Variants in GHR observed in about 807,000 individuals in gnomAD.
GHR encodes the protein growth hormone receptor, also known as GH receptor.
GHR carries 35 observed loss-of-function variants against 67.1 expected under a neutral mutation model. That is an observed-to-expected ratio of 0.52 (90% CI 0.40 to 0.69). The LOEUF (loss-of-function observed/expected upper bound fraction) is 0.69. GHR is among the 30% of genes least tolerant of loss of function. GHR has a pLI of 0.00. For synonymous variants in GHR, 272 were observed against 269.1 expected (o/e 1.01, Z -0.10); for missense variants, 792 against 764.6 (o/e 1.04, Z -0.42).
At chr5:42,430,254 T>C (rs1180763938) in intron 1 of GHR, among the ~76,000 whole-genome samples, 1 of 152,232 alleles carries the variant, frequency 6.6e-6, no homozygotes, top group African/African-American at 2.4e-5. Flanking sequence ...CTGGTGTGAC[T>C]GATTTCTCTT....
At chr5:42,579,289 C>T (rs1490461605) in intron 2 of GHR, among the ~76,000 whole-genome samples, 2 of 152,164 alleles carry the variant, frequency 1.3e-5, no homozygotes, top group East Asian at 3.8e-4. Context: ...CAGAATTTCC[C>T]AACCTTGTTC....
At chr5:42,470,504 T>C (rs747514364) in intron 1 of GHR, among the ~76,000 whole-genome samples, 3 of 152,130 alleles carry the variant, frequency 2.0e-5, no homozygotes, top group Non-Finnish European at 2.9e-5. Context: ...TCAATAACAG[T>C]TATGCAGATG....
chr5:42,637,396 C>A (rs887366362), intron 3 of GHR, among the ~76,000 whole-genome samples: 2 of 152,094 alleles, frequency 1.3e-5, no homozygotes, highest in Non-Finnish European at 2.9e-5. Flanking sequence ...TACAAATAAT[C>A]CCCTTACCCA....
chr5:42,514,291 G>T, intron 1 of GHR: 1 of 984,312 alleles, frequency 1.0e-6, no homozygotes, highest in Non-Finnish European at 1.2e-6. Context: ...CAGACCCAGG[G>T]AGTCCATATT....
intron 3 of GHR, among the ~76,000 whole-genome samples, chr5:42,634,138 T>C (rs1754056176): frequency 6.6e-6 from 1 of 152,152 alleles, no homozygotes; most frequent in African/African-American, 2.4e-5. Flanking sequence ...CTTTTTTTTT[T>C]CATCTCTAAA....
chr5:42,550,209 G>T (rs1399485009), intron 1 of GHR: 4 of 312,818 alleles, frequency 1.3e-5, no homozygotes, highest in Non-Finnish European at 1.4e-5. Context: ...TTGGACTGGG[G>T]ACAGGAGACC....
At position 42,554,138 on chromosome 5, in the gene GHR, C is replaced by T. The variant is rs186035151; in HGVS notation, c.-11-11726C>T. ...AATCTTCAAGTATCAATACTCAGTC[C>T]CTATCCTACTGATCCAATTCATCTA... On this transcript the variant is annotated intron_variant, in intron 1 of 9. Coordinates refer to ENST00000230882, the MANE Select transcript of GHR (RefSeq NM_000163.5). Among the ~76,000 whole-genome samples the T allele has an allele frequency of 1.8e-3, 271 of 152,218 alleles. 3 individuals are homozygous for T. The highest frequency in any genetic ancestry group is 5.6e-4 in the Non-Finnish European group (38 of 68,012).
chr5:42,569,911 A>G (rs888746533), intron 2 of GHR, among the ~76,000 whole-genome samples: 3 of 152,176 alleles, frequency 2.0e-5, no homozygotes, highest in Admixed American at 6.6e-5. Flanking sequence ...TCCTAAGGGA[A>G]CCAAGAGCCC....
intron 4 of GHR, among the ~76,000 whole-genome samples, chr5:42,691,251 G>A (rs1757410618): frequency 6.6e-6 from 1 of 152,196 alleles, no homozygotes; most frequent in African/African-American, 2.4e-5. Flanking sequence ...AATCCCAGGA[G>A]GGTAAGTACA....
chr5:42,447,482 T>C (rs1490260898), intron 1 of GHR, among the ~76,000 whole-genome samples: 1 of 152,186 alleles, frequency 6.6e-6, no homozygotes, highest in Non-Finnish European at 1.5e-5. Flanking sequence ...CTGAGTAGTA[T>C]TCCATGGTAT....
intron 1 of GHR, among the ~76,000 whole-genome samples, chr5:42,538,671 C>T (rs557327281): frequency 5.5e-4 from 83 of 152,216 alleles, no homozygotes; most frequent in Middle Eastern, 3.4e-3. Flanking sequence ...GATTTCTTTG[C>T]GATGAATTTC....
intron 1 of GHR, among the ~76,000 whole-genome samples, chr5:42,502,712 A>G (rs989795337): frequency 3.3e-5 from 5 of 151,444 alleles, no homozygotes; most frequent in Non-Finnish European, 7.4e-5. Context: ...TCTGCATCCA[A>G]ATTTCTTTTA....
chr5:42,697,026 G>A (rs190590858), intron 5 of GHR, among the ~76,000 whole-genome samples: 5 of 152,324 alleles, frequency 3.3e-5, no homozygotes, highest in Middle Eastern at 3.4e-3. Flanking sequence ...AGAGGTAGAA[G>A]AGGTTAAAAG....
At chr5:42,567,767 CTG>C (rs68150223) in intron 2 of GHR, among the ~76,000 whole-genome samples, 10,191 of 140,628 alleles carry the variant, frequency 0.072, 398 homozygotes, top group East Asian at 0.11. Flanking sequence ...ATGCTTGGCT[CTG>C]TGTGTGTGTG....
intron 2 of GHR, among the ~76,000 whole-genome samples, chr5:42,620,960 A>G (rs1202196345): frequency 6.6e-6 from 1 of 152,092 alleles, no homozygotes; most frequent in Non-Finnish European, 1.5e-5. Context: ...AATTTCAGTC[A>G]TATGTTCCTG....
rs145405834 is a variant in GHR, at chr5:42,624,213, G to T, written c.71-4825G>T. Among the ~76,000 whole-genome samples the T allele has an allele frequency of 4.0e-3, 608 of 152,288 alleles. 2 individuals carry two copies. The highest frequency in any genetic ancestry group is 0.014 in the African/African-American group (565 of 41,548). ...GTCACAAGATGTCTGTTTGCAAAAA[G>T]AATTAAATGCTGGTTTGTGAAGATT... On this transcript the variant is annotated intron_variant, in intron 2 of 9. Transcript: ENST00000230882.
intron 2 of GHR, among the ~76,000 whole-genome samples, chr5:42,595,895 T>A (rs1458918468): frequency 6.6e-6 from 1 of 152,190 alleles, no homozygotes; most frequent in Non-Finnish European, 1.5e-5. Flanking sequence ...CTCATTGCCT[T>A]AATATCTTTT....
At chr5:42,539,093 G>A (rs780085852) in intron 1 of GHR, among the ~76,000 whole-genome samples, 5 of 151,522 alleles carry the variant, frequency 3.3e-5, no homozygotes, top group South Asian at 2.1e-4. Flanking sequence ...GTATCATTTC[G>A]TTGTATCAGA....
At chr5:42,686,644 C>T (rs1403805995) in intron 3 of GHR, among the ~76,000 whole-genome samples, 3 of 152,170 alleles carry the variant, frequency 2.0e-5, no homozygotes, top group Admixed American at 1.3e-4. Context: ...ATGCTAAAAA[C>T]TCTCAATTAA....
Sources: gnomAD v4.1 joint callset for allele counts (sites outside exome capture counted in the v4.1 genomes callset) on GRCh38, gnomAD v4.1.1 for gene constraint, MANE v1.5 for transcripts, NCBI Gene and HGNC (gene_info 2026-07-23, HGNC 2026-07-21) for gene names.